The following CACNB2 variants were observed in gnomAD, a reference collection of about 807,000 sequenced individuals.
CACNB2 encodes voltage-dependent L-type calcium channel subunit beta-2.
In CACNB2, 42 loss-of-function variants were observed where a neutral mutation model predicts 73.3. The observed-to-expected ratio is 0.57, with a 90% CI of 0.45 to 0.74. CACNB2 has a LOEUF of 0.74. Ranked by LOEUF, CACNB2 falls within the 30% of genes least tolerant of loss-of-function variation. The pLI is 0.00. For synonymous variants in CACNB2, 348 were observed against 310.3 expected (o/e 1.12, Z -1.28); for missense variants, 940 against 853.0 (o/e 1.10, Z -1.27).
At chr10:18,422,154 G>A (rs548704115) in intron 3 of CACNB2, among the ~76,000 whole-genome samples, 2 of 152,220 alleles carry the variant, frequency 1.3e-5, no homozygotes, top group Non-Finnish European at 2.9e-5. Context: ...CTTTTCTGTG[G>A]TTTGGTTTGG....
At chr10:18,316,082 G>T (rs2040172083) in intron 2 of CACNB2, among the ~76,000 whole-genome samples, 1 of 152,108 alleles carries the variant, frequency 6.6e-6, no homozygotes, top group South Asian at 2.1e-4. Flanking sequence ...AATTTTAACA[G>T]TCAGGCAGGC....
chr10:18,150,808 A>G (rs1177811248), intron 1 of CACNB2, 75 bp from the exon 2 acceptor site: 4 of 934,554 alleles, frequency 4.3e-6, no homozygotes, highest in South Asian at 1.6e-5. Flanking sequence ...ATTTTCTGCA[A>G]CTAGGCCTAC....
chr10:18,353,805 A>G (rs1368500434), intron 2 of CACNB2, among the ~76,000 whole-genome samples: 2 of 152,176 alleles, frequency 1.3e-5, no homozygotes, highest in African/African-American at 2.4e-5. Flanking sequence ...CATCACATGT[A>G]TCTGTTTAGT....
intron 3 of CACNB2, among the ~76,000 whole-genome samples, chr10:18,472,503 C>T (rs1468950136): frequency 6.6e-6 from 1 of 152,170 alleles, no homozygotes; most frequent in Non-Finnish European, 1.5e-5. Flanking sequence ...TCCCAAAGTG[C>T]TGGGATTACA....
intron 3 of CACNB2, among the ~76,000 whole-genome samples, chr10:18,449,803 C>G (rs375392551): frequency 1.3e-5 from 2 of 152,284 alleles, no homozygotes; most frequent in African/African-American, 4.8e-5. Context: ...CACTGCATGC[C>G]ATAGGGTTGT....
intron 3 of CACNB2, among the ~76,000 whole-genome samples, chr10:18,427,658 A>G (rs1589320193): frequency 6.6e-6 from 1 of 152,182 alleles, no homozygotes; most frequent in Admixed American, 6.5e-5. Context: ...CAAATTCTTT[A>G]ACAGAACCCT....
intron 2 of CACNB2, among the ~76,000 whole-genome samples, chr10:18,252,254 G>A (rs777273297): frequency 1.5e-4 from 23 of 152,172 alleles, no homozygotes; most frequent in Non-Finnish European, 2.2e-4. Context: ...GGCATTTACC[G>A]GAAGGAATGC....
intron 2 of CACNB2, among the ~76,000 whole-genome samples, chr10:18,168,317 G>C (rs2033001297): frequency 6.6e-6 from 1 of 152,108 alleles, no homozygotes; most frequent in Admixed American, 6.5e-5. Context: ...CTGTTAATGA[G>C]GCTGGAAGGA....
chr10:18,189,932 C>A (rs2034320845), intron 2 of CACNB2, among the ~76,000 whole-genome samples: 2 of 152,136 alleles, frequency 1.3e-5, no homozygotes, highest in African/African-American at 4.8e-5. Flanking sequence ...CCCTGGGCAC[C>A]TTGAAGATAC....
intron 2 of CACNB2, among the ~76,000 whole-genome samples, chr10:18,160,603 A>G (rs2032388459): frequency 6.6e-6 from 1 of 152,206 alleles, no homozygotes; most frequent in African/African-American, 2.4e-5. Flanking sequence ...CTGAATTTAT[A>G]AAAAGCATGT....
intron 2 of CACNB2, among the ~76,000 whole-genome samples, chr10:18,257,909 G>A (rs1411464445): frequency 6.6e-6 from 1 of 152,030 alleles, no homozygotes; most frequent in Non-Finnish European, 1.5e-5. Context: ...CTGCCCAGCA[G>A]ATTTTTGTAT....
intron 2 of CACNB2, among the ~76,000 whole-genome samples, chr10:18,326,778 G>A (rs560708266): frequency 6.6e-6 from 1 of 152,194 alleles, no homozygotes; most frequent in Non-Finnish European, 1.5e-5. Context: ...CCAAGTTGGA[G>A]TACAGTGGTG....
chr10:18,381,832 C>T (rs2043031790), intron 2 of CACNB2, among the ~76,000 whole-genome samples: 1 of 151,848 alleles, frequency 6.6e-6, no homozygotes, highest in African/African-American at 2.4e-5. Context: ...CTAAGAAATG[C>T]TATTCTCTAA....
At chr10:18,477,646 G>C (rs1045129141) in intron 3 of CACNB2, among the ~76,000 whole-genome samples, 8 of 152,182 alleles carry the variant, frequency 5.3e-5, no homozygotes, top group Admixed American at 1.3e-4. Context: ...GAATTTGAGG[G>C]CTTCAGTATT....
chr10:18,315,716 CT>C (rs2040157185), intron 2 of CACNB2, among the ~76,000 whole-genome samples: 1 of 151,526 alleles, frequency 6.6e-6, no homozygotes, highest in Non-Finnish European at 1.5e-5. Context: ...CAAAATGAAA[CT>C]AAAAAGAGTG....
chr10:18,196,701 G>A (rs1308600775), intron 2 of CACNB2, among the ~76,000 whole-genome samples: 1 of 152,084 alleles, frequency 6.6e-6, no homozygotes, highest in Non-Finnish European at 1.5e-5. Flanking sequence ...CATTTCACTG[G>A]TGTCTAAAAC....
At chr10:18,200,720 T>C (rs2034841762) in intron 2 of CACNB2, among the ~76,000 whole-genome samples, 1 of 152,318 alleles carries the variant, frequency 6.6e-6, no homozygotes, top group South Asian at 2.1e-4. Context: ...AAGAAACTTG[T>C]AACTTCATCA....
At chr10:18,172,171 T>A (rs995909470) in intron 2 of CACNB2, among the ~76,000 whole-genome samples, 6 of 152,172 alleles carry the variant, frequency 3.9e-5, no homozygotes, top group Admixed American at 6.5e-5. Flanking sequence ...GAGACCAGCC[T>A]GGCCAACATG....
chr10:18,532,980 AAAG>A (rs2053215121), intron 10 of CACNB2: 1 of 152,108 alleles, frequency 6.6e-6, no homozygotes. Flanking sequence ...GGTAAAAAAA[AAAG>A]GACTCAAGTC....
Sources: gnomAD v4.1 joint callset for allele counts (sites outside exome capture counted in the v4.1 genomes callset) on GRCh38, gnomAD v4.1.1 for gene constraint, MANE v1.5 for transcripts, NCBI Gene and HGNC (gene_info 2026-07-23, HGNC 2026-07-21) for gene names.